The following ADCY2 variants were observed in gnomAD, a reference collection of about 807,000 sequenced individuals.
ADCY2 encodes adenylate cyclase 2, also known as adenylate cyclase type 2.
Under a neutral mutation model 125.2 loss-of-function variants are expected in ADCY2, and 31 were observed. The ratio of observed to expected loss-of-function variants is 0.25; its 90% CI spans 0.19 to 0.33. The LOEUF is 0.33. ADCY2 is among the 10% of genes least tolerant of loss of function. The pLI, the probability that ADCY2 is intolerant of heterozygous loss-of-function variation, is 1.00. For synonymous variants in ADCY2, 512 were observed against 548.4 expected (o/e 0.93, Z 0.93); for missense variants, 904 against 1,418.2 (o/e 0.64, Z 5.82).
At chr5:7,579,096 T>G (rs1402887653) in intron 3 of ADCY2, among the ~76,000 whole-genome samples, 1 of 152,186 alleles carries the variant, frequency 6.6e-6, no homozygotes, top group Admixed American at 6.5e-5. Flanking sequence ...TGGGGTAATA[T>G]AGTTTCACTT....
At position 7,473,053 on chromosome 5, in the gene ADCY2, C is replaced by T. The variant is rs73737395; in HGVS notation, c.409-47685C>T. 4.9e-3 allele frequency among the ~76,000 whole-genome samples: 740 copies of T among 151,652 alleles called. 3 individuals are homozygous for T. Among genetic ancestry groups the T allele is most frequent in the African/African-American group, 0.017 (713 of 41,328 alleles). On this transcript the variant is annotated intron_variant, in intron 2 of 24. Coordinates refer to ENST00000338316, the MANE Select transcript of ADCY2 (RefSeq NM_020546.3). ...TAGGCAGTCTCTGTGTTCCTGGAAC[C>T]CTGGGATGGGTTTCTCAGTGGTCCT...
At chr5:7,527,996 A>G (rs1734530319) in intron 3 of ADCY2, among the ~76,000 whole-genome samples, 2 of 152,142 alleles carry the variant, frequency 1.3e-5, no homozygotes, top group African/African-American at 2.4e-5. Flanking sequence ...ATTTTTTTCC[A>G]CAGGAAAAGA....
At chr5:7,601,515 A>T (rs1456741372) in intron 3 of ADCY2, among the ~76,000 whole-genome samples, 5 of 152,216 alleles carry the variant, frequency 3.3e-5, no homozygotes, top group Non-Finnish European at 5.9e-5. Context: ...AGCCATGTTC[A>T]TATTGAAACT....
At chr5:7,588,221 A>C (rs1736696629) in intron 3 of ADCY2, among the ~76,000 whole-genome samples, 1 of 152,186 alleles carries the variant, frequency 6.6e-6, no homozygotes, top group African/African-American at 2.4e-5. Context: ...TTTGGAAAAA[A>C]TTAATGAGAA....
intron 2 of ADCY2, among the ~76,000 whole-genome samples, chr5:7,423,719 G>A (rs1008635926): frequency 1.4e-4 from 22 of 152,094 alleles, no homozygotes; most frequent in African/African-American, 5.3e-4. Context: ...GCTGTCCCTC[G>A]AGCTGAGGAT....
At chr5:7,500,380 CAAAGA>C (rs1743516833) in intron 2 of ADCY2, among the ~76,000 whole-genome samples, 7 of 152,122 alleles carry the variant, frequency 4.6e-5, no homozygotes, top group Non-Finnish European at 8.8e-5. Context: ...AACTTACTAC[CAAAGA>C]GTACAGTGGA....
intron 2 of ADCY2, among the ~76,000 whole-genome samples, chr5:7,454,305 G>A (rs141998157): frequency 5.3e-5 from 8 of 152,224 alleles, no homozygotes; most frequent in Middle Eastern, 3.4e-3. Context: ...GTGCTATTTA[G>A]GCTATAGTAT....
intron 2 of ADCY2, among the ~76,000 whole-genome samples, chr5:7,438,594 G>T (rs1357084821): frequency 1.3e-5 from 2 of 152,272 alleles, no homozygotes; most frequent in South Asian, 4.2e-4. Flanking sequence ...GTGAGTGCTG[G>T]AGCAGCAATA....
chr5:7,706,390 G>C (rs546758605), intron 7 of ADCY2, among the ~76,000 whole-genome samples: 1 of 152,340 alleles, frequency 6.6e-6, no homozygotes, highest in Admixed American at 6.5e-5. Context: ...GACTGTTTCT[G>C]ACATTACAAG....
chr5:7,660,689 CTT>C lies in ADCY2; in HGVS notation c.721-30001_721-30000del, dbSNP rs1739496884. ...TCTTCAGGGGATCTCAGTCTTCACT[CTT>C]AAGTTCTTCAGTTGATTGGATGAGT... is the stretch of plus-strand genomic sequence containing the variant. On this transcript the variant is annotated intron_variant, in intron 4 of 24. Transcript: ENST00000338316. Among the ~76,000 whole-genome samples the C allele has an allele frequency of 2.0e-5, 3 of 152,198 alleles. No homozygotes were observed. In the South Asian group the frequency reaches 6.2e-4, roughly 32 times the overall value.
intron 15 of ADCY2, among the ~76,000 whole-genome samples, chr5:7,756,879 C>T (rs545861434): frequency 5.3e-5 from 8 of 152,268 alleles, no homozygotes; most frequent in South Asian, 4.1e-4. Context: ...GGAGCTTCTC[C>T]GTGTGGGAGA....
chr5:7,429,235 T>C (rs1184442753), intron 2 of ADCY2, among the ~76,000 whole-genome samples: 1 of 152,164 alleles, frequency 6.6e-6, no homozygotes, highest in Non-Finnish European at 1.5e-5. Context: ...AATTAGTACC[T>C]CAGGAGGAGC....
At chr5:7,698,162 G>T in intron 6 of ADCY2, 85 bp from the exon 7 acceptor site, 1 of 1,546,984 alleles carries the variant, frequency 6.5e-7, no homozygotes, top group Non-Finnish European at 8.8e-7. Flanking sequence ...GGTGTGAGCA[G>T]AGCTGGCGCT....
chr5:7,810,017 C>T (rs1198002333), intron 22 of ADCY2, among the ~76,000 whole-genome samples: 4 of 152,208 alleles, frequency 2.6e-5, no homozygotes, highest in African/African-American at 4.8e-5. Context: ...AGAGTTTGCC[C>T]ATCTCAATGG....
intron 21 of ADCY2, among the ~76,000 whole-genome samples, chr5:7,803,748 A>T (rs563280952): frequency 6.2e-4 from 94 of 152,064 alleles, no homozygotes; most frequent in East Asian, 1.6e-3. Flanking sequence ...AATAATTTTT[A>T]AATTAGCTGC....
At chr5:7,735,825 G>T (rs1302205887) in intron 14 of ADCY2, among the ~76,000 whole-genome samples, 2 of 152,112 alleles carry the variant, frequency 1.3e-5, no homozygotes, top group Non-Finnish European at 2.9e-5. Flanking sequence ...GGTGATACTG[G>T]CTTCAGAACG....
intron 1 of ADCY2, among the ~76,000 whole-genome samples, chr5:7,407,220 G>A (rs575654405): frequency 6.6e-6 from 1 of 152,342 alleles, no homozygotes; most frequent in African/African-American, 2.4e-5. Context: ...TATCTCCACA[G>A]TTACTCAGAA....
intron 11 of ADCY2, among the ~76,000 whole-genome samples, chr5:7,715,153 G>A (rs536705939): frequency 2.0e-5 from 3 of 152,330 alleles, no homozygotes; most frequent in East Asian, 3.9e-4. Flanking sequence ...AGACTGCAGA[G>A]ACAAGAAAAG....
intron 3 of ADCY2, among the ~76,000 whole-genome samples, chr5:7,521,585 G>T (rs1423769413): frequency 6.6e-6 from 1 of 152,160 alleles, no homozygotes; most frequent in African/African-American, 2.4e-5. Flanking sequence ...ATCAACTGCA[G>T]CAAATGCAGC....
Sources: allele counts gnomAD v4.1 joint callset (sites outside exome capture counted in the v4.1 genomes callset), GRCh38; gene constraint gnomAD v4.1.1; transcripts MANE v1.5; gene names NCBI Gene and HGNC (gene_info 2026-07-23, HGNC 2026-07-21).